Variants in ROCK2 observed in about 807,000 individuals in gnomAD.
ROCK2 encodes rho-associated protein kinase 2.
In ROCK2, 61 loss-of-function variants were observed where a neutral mutation model predicts 195.1. That is an observed-to-expected ratio of 0.31 (90% CI 0.25 to 0.39). ROCK2 has a LOEUF of 0.39. Ranked by LOEUF, ROCK2 falls within the 10% of genes least tolerant of loss-of-function variation. ROCK2 has a pLI of 1.00. For missense variants in ROCK2, 1,109 were observed against 1,637.4 expected, an observed-to-expected ratio of 0.68 and a Z score of 5.57; for synonymous variants, 504 against 545.5, an observed-to-expected ratio of 0.92 and a Z score of 1.06.
chr2:11,250,080 T>C (rs1230619861), intron 3 of ROCK2, among the ~76,000 whole-genome samples: 3 of 152,170 alleles, frequency 2.0e-5, no homozygotes, highest in African/African-American at 7.2e-5. Context: ...CATTCTCTCA[T>C]ATTAATTAAG....
intron 16 of ROCK2, 55 bp downstream of exon 16, chr2:11,214,785 A>G: frequency 6.7e-7 from 1 of 1,498,320 alleles, no homozygotes; most frequent in Admixed American, 1.9e-5. Context: ...ATCTAAAGTT[A>G]TTTTTAAAAT....
In ROCK2 at chr2:11,215,577, G is replaced by A; in HGVS notation, c.1530C>T (p.His510=). 6.2e-7 allele frequency: 1 copy of A among 1,613,332 alleles called. No individual in the cohort carries two copies. The highest frequency in any genetic ancestry group is 1.7e-5 in the Admixed American group (1 of 59,956). Residue 510 remains histidine (H), a synonymous_variant, in exon 14 of 33, where the codon CAC becomes CAT. Coordinates refer to ENST00000315872, the MANE Select transcript of ROCK2 (RefSeq NM_004850.5). ...CTTTCCTCTGATATTCTGCATTTTT[G>A]TGCTGAAGAAGCGCCTTTTCTCTTT... ...QLEREKALLQ[H]KNAEYQRKAD... is the part of the protein sequence containing the mutation.
intron 12 of ROCK2, among the ~76,000 whole-genome samples, chr2:11,216,514 CTT>C (rs78853931): frequency 1.1e-4 from 16 of 139,294 alleles, no homozygotes; most frequent in Non-Finnish European, 1.1e-4. Flanking sequence ...TTTCTTTTTT[CTT>C]TTTTTTTTTT....
At chr2:11,185,524 T>C (rs550522999) in intron 32 of ROCK2, among the ~76,000 whole-genome samples, 102 of 150,994 alleles carry the variant, frequency 6.8e-4, no homozygotes, top group African/African-American at 2.3e-3. Flanking sequence ...AGGTGAGGAG[T>C]TCAAGACCAG....
chr2:11,317,576 T>TTATATATATATATATATATATA (rs1156983946), intron 1 of ROCK2, among the ~76,000 whole-genome samples: 3 of 29,582 alleles, frequency 1.0e-4, no homozygotes, highest in African/African-American at 1.6e-4. Flanking sequence ...ATCTACACAT[T>TTATATATATATATATATATATA]TATATATATA....
At chr2:11,185,467 G>A (rs545849778) in intron 32 of ROCK2, among the ~76,000 whole-genome samples, 3 of 152,272 alleles carry the variant, frequency 2.0e-5, no homozygotes, top group South Asian at 2.1e-4. Context: ...GGTGGCTCAC[G>A]TCTGTAATCC....
chr2:11,198,111 A>G (rs907823334), intron 25 of ROCK2, among the ~76,000 whole-genome samples: 2 of 152,240 alleles, frequency 1.3e-5, no homozygotes, highest in Admixed American at 6.5e-5. Context: ...AAGAGTATCT[A>G]GTACCCCACC....
At chr2:11,294,460 T>C (rs1667453541) in intron 1 of ROCK2, among the ~76,000 whole-genome samples, 1 of 151,800 alleles carries the variant, frequency 6.6e-6, no homozygotes, top group South Asian at 2.1e-4. Context: ...TGGAATTATA[T>C]GGTGTTAATT....
chr2:11,234,530 G>A (rs1215371502), intron 5 of ROCK2: 1 of 152,048 alleles, frequency 6.6e-6, no homozygotes, highest in African/African-American at 2.4e-5. Context: ...ACAAGAGGGA[G>A]CTTTGGGTAC....
intron 5 of ROCK2, among the ~76,000 whole-genome samples, chr2:11,229,394 A>G (rs574070576): frequency 6.6e-6 from 1 of 152,230 alleles, no homozygotes; most frequent in South Asian, 2.1e-4. Flanking sequence ...TGTGAGAAGG[A>G]TAAGTAAAAA....
At chr2:11,275,867 T>C (rs1572347940) in intron 3 of ROCK2, among the ~76,000 whole-genome samples, 1 of 152,104 alleles carries the variant, frequency 6.6e-6, no homozygotes, top group Non-Finnish European at 1.5e-5. Flanking sequence ...ACTCGGCTAA[T>C]TTTTGTATTT....
At chr2:11,337,889 CA>C (rs1020728285) in intron 1 of ROCK2, among the ~76,000 whole-genome samples, 1 of 151,972 alleles carries the variant, frequency 6.6e-6, no homozygotes, top group Non-Finnish European at 1.5e-5. Flanking sequence ...ATGATCCACC[CA>C]CCTCAGCCTC....
chr2:11,275,005 C>T (rs1028598091), intron 3 of ROCK2, among the ~76,000 whole-genome samples: 14 of 151,572 alleles, frequency 9.2e-5, no homozygotes, highest in Admixed American at 7.2e-4. Flanking sequence ...GCCTGTAATC[C>T]CAGCACTTTG....
At chr2:11,281,958 C>A (rs1207393848) in intron 3 of ROCK2, among the ~76,000 whole-genome samples, 1 of 152,004 alleles carries the variant, frequency 6.6e-6, no homozygotes, top group Non-Finnish European at 1.5e-5. Flanking sequence ...TATTTTCAAT[C>A]CAATCACAAA....
At chr2:11,310,811 C>T (rs76686409) in intron 1 of ROCK2, among the ~76,000 whole-genome samples, 1 of 151,940 alleles carries the variant, frequency 6.6e-6, no homozygotes, top group Non-Finnish European at 1.5e-5. Flanking sequence ...TTTTAAGTTA[C>T]ACTAAATTAC....
At chr2:11,263,334 T>C (rs139103514) in intron 3 of ROCK2, among the ~76,000 whole-genome samples, 1 of 152,292 alleles carries the variant, frequency 6.6e-6, no homozygotes, top group Non-Finnish European at 1.5e-5. Context: ...TACAGCATAC[T>C]GAAAGACAAG....
chr2:11,186,884 C>T (rs1663218866), intron 32 of ROCK2, among the ~76,000 whole-genome samples: 1 of 152,198 alleles, frequency 6.6e-6, no homozygotes, highest in South Asian at 2.1e-4. Flanking sequence ...AGGCAGAATT[C>T]TCCATGCTTC....
At chr2:11,189,867 T>C (rs886101210) in intron 32 of ROCK2, among the ~76,000 whole-genome samples, 1 of 151,776 alleles carries the variant, frequency 6.6e-6, no homozygotes, top group African/African-American at 2.4e-5. Flanking sequence ...GGTGCATGTA[T>C]GTGGTCCCAC....
intron 1 of ROCK2, among the ~76,000 whole-genome samples, chr2:11,331,594 C>G (rs1242322782): frequency 1.3e-5 from 2 of 148,376 alleles, no homozygotes; most frequent in Non-Finnish European, 3.0e-5. Context: ...AAAAAAAAGT[C>G]ATGTGCACGT....
Sources: gnomAD v4.1 joint callset for allele counts (sites outside exome capture counted in the v4.1 genomes callset) on GRCh38, gnomAD v4.1.1 for gene constraint, MANE v1.5 for transcripts, NCBI Gene and HGNC (gene_info 2026-07-23, HGNC 2026-07-21) for gene names.